ZGRF1: variants seen among roughly 807,000 people sequenced by gnomAD.
The protein encoded by ZGRF1 is 5'-3' DNA helicase ZGRF1.
A neutral mutation model predicts 203.5 loss-of-function variants in ZGRF1; 196 were observed. The ratio of observed to expected loss-of-function variants is 0.96; its 90% CI spans 0.86 to 1.08. The LOEUF is 1.08. Among genes scored for constraint, ZGRF1 ranks in the 50% least tolerant of loss-of-function variants. ZGRF1 has a pLI of 0.00. For missense variants in ZGRF1, 2,326 were observed against 2,416.3 expected, an observed-to-expected ratio of 0.96 and a Z score of 0.78; for synonymous variants, 809 against 841.3, an observed-to-expected ratio of 0.96 and a Z score of 0.66.
chr4:112,630,009 ACT>A (rs1372081873), intron 3 of ZGRF1: 1 of 209,128 alleles, frequency 4.8e-6, no homozygotes, highest in East Asian at 1.7e-4. Context: ...ACAGAGCAAG[ACT>A]CTGTCTAAAA....
Position 112,618,643 on chromosome 4 carries a change from T to C in ZGRF1, c.1399A>G (p.Thr467Ala), listed in dbSNP as rs1266611864. The change falls in exon 6 of 28, where the codon ACA becomes GCA. Residue 467 changes from threonine to alanine, a missense_variant. Physicochemically the swap from Thr to Ala is moderately conservative, Grantham distance 58. Transcript: ENST00000505019. ...GATTGTTCATACTCCTTTTCCAGTG[T>C]TCCACATGTATTTACCTCCTGAGCA... is the stretch of plus-strand genomic sequence containing the variant. ...ENAQEVNTCG[T>A]LEKEYEQSES... The C allele has an allele frequency of 6.2e-7, 1 of 1,613,310 alleles. No individual in the cohort carries two copies. Among genetic ancestry groups the C allele is most frequent in the African/African-American group, 1.3e-5 (1 of 74,932 alleles).
At chr4:112,559,024 G>A (rs764866162) in intron 19 of ZGRF1, among the ~76,000 whole-genome samples, 4 of 152,148 alleles carry the variant, frequency 2.6e-5, no homozygotes, top group Non-Finnish European at 5.9e-5. Flanking sequence ...AAAGCATGTC[G>A]CTGTTAAAAT....
At chr4:112,619,727 C>A in intron 5 of ZGRF1, 37 bp from the exon 6 acceptor site, 2 of 1,441,798 alleles carry the variant, frequency 1.4e-6, no homozygotes, top group South Asian at 1.4e-5. Flanking sequence ...TGTACCATTA[C>A]CCATTAAGAA....
chr4:112,631,400 T>G (rs1446031912), intron 3 of ZGRF1, among the ~76,000 whole-genome samples: 2 of 152,026 alleles, frequency 1.3e-5, no homozygotes, highest in Admixed American at 6.6e-5. Flanking sequence ...CCGGGGGCAG[T>G]GGCTCACTCC....
chr4:112,579,375 G>C lies in ZGRF1; in HGVS notation c.4438+2288C>G, dbSNP rs965732926. On this transcript the variant is annotated intron_variant, in intron 16 of 27. Coordinates refer to ENST00000505019, the MANE Select transcript of ZGRF1 (RefSeq NM_018392.5). ...GAAAACTGGCACAAGACACGGATGC[G>C]CTCTCTCACCACTCCTATTCAACAT... 1.6e-4 allele frequency among the ~76,000 whole-genome samples: 20 copies of C among 122,394 alleles called. 7 individuals carry two copies. Among genetic ancestry groups the C allele is most frequent in the Non-Finnish European group, 3.1e-4 (17 of 54,850 alleles). The allele number at this position is 122,394 out of a possible 152,430, so 80.3% of individuals were successfully genotyped here.
At chr4:112,552,724 C>G (rs925699043) in intron 22 of ZGRF1, among the ~76,000 whole-genome samples, 10 of 152,174 alleles carry the variant, frequency 6.6e-5, no homozygotes, top group African/African-American at 2.4e-4. Context: ...CCTTCCCGCC[C>G]TAGGAAAGTA....
chr4:112,601,165 C>T (rs1749901177), intron 10 of ZGRF1, among the ~76,000 whole-genome samples: 1 of 150,894 alleles, frequency 6.6e-6, no homozygotes, highest in Admixed American at 6.6e-5. Flanking sequence ...AATCCCAACA[C>T]TTTGGGGGGC....
intron 16 of ZGRF1, among the ~76,000 whole-genome samples, chr4:112,568,223 T>C (rs1489550057): frequency 6.6e-6 from 1 of 151,748 alleles, no homozygotes; most frequent in Non-Finnish European, 1.5e-5. Flanking sequence ...TTTGAAGAAA[T>C]AATGAAGATC....
chr4:112,619,635 T>A lies in ZGRF1; in HGVS notation c.407A>T (p.Glu136Val). 1 of 1,613,258 alleles carries A rather than the reference T, an allele frequency of 6.2e-7. No individual in the cohort carries two copies. The highest frequency in any genetic ancestry group is 1.3e-5 in the African/African-American group (1 of 75,016). ...PKKMVIMESG[E>V]SAASHEAKKT... is the part of the protein sequence containing the mutation. ...CTTAGCCTCATGTGATGCAGCTGATTCACCACTTTCCATAATAACCATTTT... is the reference window on the plus strand; with the variant it reads ...CTTAGCCTCATGTGATGCAGCTGATACACCACTTTCCATAATAACCATTTT... Residue 136 changes from glutamate (E) to valine (V), a missense_variant, in exon 6 of 28, where the codon GAA becomes GTA. By Grantham distance (121) the Glu-to-Val change is moderately radical. Transcript: ENST00000505019.
intron 18 of ZGRF1, chr4:112,561,547 A>G (rs544493053): frequency 1.3e-5 from 2 of 152,612 alleles, no homozygotes; most frequent in African/African-American, 4.8e-5. Flanking sequence ...TAGTGAGAAA[A>G]ATAAAACATC....
chr4:112,567,985 G>A (rs1344392848), intron 16 of ZGRF1, among the ~76,000 whole-genome samples: 1 of 151,798 alleles, frequency 6.6e-6, no homozygotes, highest in African/African-American at 2.4e-5. Flanking sequence ...AGAAATATTA[G>A]GTTGGAAAAA....
intron 8 of ZGRF1, among the ~76,000 whole-genome samples, chr4:112,608,530 G>A (rs1751101071): frequency 6.6e-6 from 1 of 152,124 alleles, no homozygotes. Context: ...TGAGGGAAGA[G>A]AATTGCTTGA....
At chr4:112,540,377 T>A (rs1432960300) in intron 26 of ZGRF1, among the ~76,000 whole-genome samples, 1 of 145,652 alleles carries the variant, frequency 6.9e-6, no homozygotes, top group African/African-American at 2.5e-5. Context: ...TTGGAGCTGA[T>A]AAACTAATAA....
rs536786575 is a variant in ZGRF1 at position 112,577,683 on chromosome 4, G to A, written c.4438+3980C>T. On this transcript the variant is annotated intron_variant, in intron 16 of 27. Coordinates refer to ENST00000505019, the MANE Select transcript of ZGRF1 (RefSeq NM_018392.5). The stretch of plus-strand genomic sequence containing the variant: ...AACAAAGATCAAAAGAGACAAAGAA[G>A]GCCATTACATAATGGTAAAGGGATC... 5.7e-5 allele frequency among the ~76,000 whole-genome samples: 7 copies of A among 122,726 alleles called. 2 individuals are homozygous for A. The East Asian group carries it at 1.7e-3, about 29-fold the overall frequency. 80.5% of individuals were successfully genotyped at this position (122,726 alleles called of 152,430 possible).
chr4:112,619,977 T>C (rs1269815774), intron 5 of ZGRF1, 25 bp downstream of exon 5: 2 of 1,513,476 alleles, frequency 1.3e-6, no homozygotes, highest in East Asian at 2.3e-5. Context: ...TATTTTGATA[T>C]ATTATTTTCC....
At chr4:112,621,192 G>A (rs182042730) in intron 4 of ZGRF1, among the ~76,000 whole-genome samples, 1 of 151,996 alleles carries the variant, frequency 6.6e-6, no homozygotes, top group East Asian at 1.9e-4. Context: ...TCAAAAATTA[G>A]AGTTATTACC....
intron 19 of ZGRF1, among the ~76,000 whole-genome samples, chr4:112,560,166 C>A (rs1040583558): frequency 6.6e-6 from 1 of 152,264 alleles, no homozygotes; most frequent in African/African-American, 2.4e-5. Flanking sequence ...ACAGAGGCAA[C>A]AGAGTCCAGA....
chr4:112,560,862 G>C lies in ZGRF1; in HGVS notation c.4831C>G (p.Gln1611Glu). 6.2e-7 allele frequency: 1 copy of C among 1,613,750 alleles called. No homozygotes were observed. Among genetic ancestry groups the C allele is most frequent in the Non-Finnish European group, 8.5e-7 (1 of 1,179,748 alleles). ...TGATCCTTGTTTAACTTGTGTACCT[G>C]AATCAACTCACTAGCTAACTTCAAT... ...ATLKLASELI[Q>E]VHKLNKDQAT... Residue 1611 changes from glutamine to glutamate, a missense_variant, in exon 19 of 28, where the codon CAG becomes GAG. Transcript: ENST00000505019.
chr4:112,541,132 A>G lies in ZGRF1; in HGVS notation c.5735T>C (p.Leu1912Pro). The G allele has an allele frequency of 6.2e-7, 1 of 1,606,652 alleles. No homozygotes were observed. Among genetic ancestry groups the G allele is most frequent in the Non-Finnish European group, 8.5e-7 (1 of 1,176,116 alleles). ...EIERSPLLEW[L>P]PTLCFYNVKG... ...AACATTATAAAAACACAGGGTTGGT[A>G]GCCATTCCAATAAAGGGCTCCGCTC... The change falls in exon 25 of 28, where the codon CTA (leucine) becomes CCA (proline). Residue 1912 changes from leucine (L) to proline (P), a missense_variant. Transcript: ENST00000505019.
Sources: gnomAD v4.1 joint callset for allele counts (sites outside exome capture counted in the v4.1 genomes callset) on GRCh38, gnomAD v4.1.1 for gene constraint, MANE v1.5 for transcripts, NCBI Gene and HGNC (gene_info 2026-07-23, HGNC 2026-07-21) for gene names.